The following VSNL1 variants were observed in gnomAD, a reference collection of about 807,000 sequenced individuals.
VSNL1 encodes the protein visinin-like protein 1.
In VSNL1, 6 loss-of-function variants were observed where a neutral mutation model predicts 20.4. That is an observed-to-expected ratio of 0.29 (90% CI 0.16 to 0.58). VSNL1 has a LOEUF of 0.58. VSNL1 is among the 20% of genes least tolerant of loss of function. The pLI, the probability that VSNL1 is intolerant of heterozygous loss-of-function variation, is 0.90. For missense variants in VSNL1, 100 were observed against 234.5 expected, an observed-to-expected ratio of 0.43 and a Z score of 3.75; for synonymous variants, 93 against 86.4, an observed-to-expected ratio of 1.08 and a Z score of -0.42.
At chr2:17,562,034 C>T (rs1027069095) in intron 1 of VSNL1, among the ~76,000 whole-genome samples, 1 of 152,190 alleles carries the variant, frequency 6.6e-6, no homozygotes, top group Non-Finnish European at 1.5e-5. Flanking sequence ...AATTACCATT[C>T]AATTCCACTG....
At chr2:17,579,139 G>A (rs948440179) in intron 1 of VSNL1, among the ~76,000 whole-genome samples, 2 of 148,904 alleles carry the variant, frequency 1.3e-5, no homozygotes, top group Non-Finnish European at 3.0e-5. Context: ...TTTTTGAGAC[G>A]GAGTCTCGCT....
intron 3 of VSNL1, among the ~76,000 whole-genome samples, chr2:17,652,685 C>A (rs988843113): frequency 6.6e-6 from 1 of 152,222 alleles, no homozygotes; most frequent in Non-Finnish European, 1.5e-5. Context: ...TGTGTGAGCA[C>A]CAAGAGTTGT....
intron 1 of VSNL1, among the ~76,000 whole-genome samples, chr2:17,589,882 G>A (rs1379689221): frequency 6.6e-6 from 1 of 152,178 alleles, no homozygotes; most frequent in Non-Finnish European, 1.5e-5. Context: ...AGCCAGGCTG[G>A]CAAAGTGATC....
At chr2:17,542,056 T>C (rs1439654324) in intron 1 of VSNL1, among the ~76,000 whole-genome samples, 1 of 152,220 alleles carries the variant, frequency 6.6e-6, no homozygotes, top group African/African-American at 2.4e-5. Context: ...CACTTTCCAG[T>C]TGAAGGCAAG....
chr2:17,558,387 T>G (rs1663737783), intron 1 of VSNL1, among the ~76,000 whole-genome samples: 2 of 152,352 alleles, frequency 1.3e-5, no homozygotes, highest in South Asian at 2.1e-4. Context: ...TGTTGCCACA[T>G]AGGTGTCATT....
At chr2:17,619,940 T>G (rs542107955) in intron 2 of VSNL1, among the ~76,000 whole-genome samples, 58 of 151,398 alleles carry the variant, frequency 3.8e-4, no homozygotes, top group African/African-American at 1.4e-3. Flanking sequence ...TACAATAATG[T>G]GTGGTGGAGT....
intron 1 of VSNL1, among the ~76,000 whole-genome samples, chr2:17,542,329 TG>T (rs1243090445): frequency 6.6e-6 from 1 of 152,142 alleles, no homozygotes; most frequent in Admixed American, 6.5e-5. Flanking sequence ...TGAAGCAGGT[TG>T]GCAGAATGGG....
At chr2:17,652,764 C>A (rs1238723264) in intron 3 of VSNL1, among the ~76,000 whole-genome samples, 1 of 152,208 alleles carries the variant, frequency 6.6e-6, no homozygotes, top group African/African-American at 2.4e-5. Context: ...TCCAGATAAA[C>A]ATTGAGGAGT....
At chr2:17,602,263 TTCTC>T (rs1447989505) in intron 2 of VSNL1, among the ~76,000 whole-genome samples, 3 of 152,206 alleles carry the variant, frequency 2.0e-5, no homozygotes, top group African/African-American at 7.2e-5. Context: ...CATTGACTGT[TTCTC>T]TCTGAGGGTT....
intron 2 of VSNL1, among the ~76,000 whole-genome samples, chr2:17,608,087 CA>C (rs1224306273): frequency 3.3e-5 from 5 of 152,098 alleles, no homozygotes; most frequent in Non-Finnish European, 5.9e-5. Flanking sequence ...TTGACATGCC[CA>C]GTATGAAAAG....
chr2:17,655,455 TCACACACACA>T lies in VSNL1; in HGVS notation c.*98_*107del, dbSNP rs3064980. ...AATGTTCCATTCAGTCTGCAGCTAT[TCACACACACA>T]CACACACACACACACACACACACAC... On this transcript the variant is annotated 3_prime_UTR_variant, in exon 4 of 4. Coordinates refer to ENST00000295156, the MANE Select transcript of VSNL1 (RefSeq NM_003385.5). This position sits in a 1 kb window ranked among gnomAD's most constrained non-coding sequence, Gnocchi z 5.2. 4,687 of 537,298 alleles carry T rather than the reference TCACACACACA, an allele frequency of 8.7e-3. 11 individuals are homozygous for T. Among genetic ancestry groups the T allele is most frequent in the Middle Eastern group, 0.018 (38 of 2,070 alleles). The allele number at this position is 537,298 out of a possible 1,614,324, so 33.3% of individuals were successfully genotyped here.
intron 2 of VSNL1, among the ~76,000 whole-genome samples, chr2:17,621,280 CTTT>C: frequency 6.7e-6 from 1 of 149,160 alleles, no homozygotes; most frequent in East Asian, 2.0e-4. Flanking sequence ...CTTCCTCTTT[CTTT>C]TTTTCTCTCT....
chr2:17,570,933 C>T (rs908568671), intron 1 of VSNL1, among the ~76,000 whole-genome samples: 1 of 151,940 alleles, frequency 6.6e-6, no homozygotes. Flanking sequence ...ATGTGGGAGG[C>T]TGGAGTCGCT....
At chr2:17,654,180 T>C (rs1010409095) in intron 3 of VSNL1, among the ~76,000 whole-genome samples, 7 of 152,252 alleles carry the variant, frequency 4.6e-5, no homozygotes, top group Non-Finnish European at 1.0e-4. Context: ...ATGCAAGTCT[T>C]TGTATAGATG....
intron 1 of VSNL1, among the ~76,000 whole-genome samples, chr2:17,549,224 C>T (rs1383634931): frequency 6.6e-6 from 1 of 152,154 alleles, no homozygotes; most frequent in Non-Finnish European, 1.5e-5. Context: ...GGAGGCCATA[C>T]ACACAACACA....
At chr2:17,620,946 G>A (rs1050627300) in intron 2 of VSNL1, among the ~76,000 whole-genome samples, 4 of 152,156 alleles carry the variant, frequency 2.6e-5, no homozygotes, top group Non-Finnish European at 2.9e-5. Context: ...TCACATCCAA[G>A]CATAATAAAA....
At chr2:17,632,631 T>G (rs1665662895) in intron 2 of VSNL1, among the ~76,000 whole-genome samples, 1 of 152,030 alleles carries the variant, frequency 6.6e-6, no homozygotes, top group African/African-American at 2.4e-5. Flanking sequence ...TAACTCTGAG[T>G]GGTAGGTTTT....
intron 2 of VSNL1, among the ~76,000 whole-genome samples, chr2:17,598,331 C>T (rs1000568427): frequency 6.6e-6 from 1 of 152,178 alleles, no homozygotes; most frequent in Non-Finnish European, 1.5e-5. Context: ...GGGATTTGAA[C>T]AAGTGCCTTT....
chr2:17,624,070 A>G (rs1443084495), intron 2 of VSNL1, among the ~76,000 whole-genome samples: 3 of 152,266 alleles, frequency 2.0e-5, no homozygotes, highest in Non-Finnish European at 4.4e-5. Context: ...ATTATGGTGA[A>G]TTATCATGAG....
Sources: allele counts gnomAD v4.1 joint callset (sites outside exome capture counted in the v4.1 genomes callset), GRCh38; gene constraint gnomAD v4.1.1; non-coding constraint Gnocchi (gnomAD v3.1); transcripts MANE v1.5; gene names NCBI Gene and HGNC (gene_info 2026-07-23, HGNC 2026-07-21).